RPSA2: variants seen among roughly 807,000 people sequenced by gnomAD.
RPSA2 encodes the protein small ribosomal subunit protein uS2B.
chr19:23,808,362 C>G, the RPSA2 span, among the ~76,000 whole-genome samples: 1 of 148,528 alleles, frequency 6.7e-6, no homozygotes, highest in African/African-American at 2.5e-5. Context: ...TTCCGCCTCC[C>G]AGGTTCAAGC....
the RPSA2 span, among the ~76,000 whole-genome samples, chr19:23,854,077 G>A: frequency 3.3e-5 from 5 of 152,092 alleles, no homozygotes; most frequent in Non-Finnish European, 7.3e-5. Flanking sequence ...TATCTCCTTT[G>A]TTTAAAACAA....
chr19:23,836,635 A>T, the RPSA2 span, among the ~76,000 whole-genome samples: 1 of 152,170 alleles, frequency 6.6e-6, no homozygotes, highest in South Asian at 2.1e-4. Context: ...TCCCACCGGC[A>T]GTGTGGAAGT....
chr19:23,808,747 C>G, the RPSA2 span: 1 of 820,010 alleles, frequency 1.2e-6, no homozygotes, highest in Non-Finnish European at 1.9e-6. Flanking sequence ...CAGACCTGAT[C>G]ACCTATCTGG....
the RPSA2 span, among the ~76,000 whole-genome samples, chr19:23,854,304 G>A: frequency 6.6e-6 from 1 of 152,278 alleles, no homozygotes; most frequent in Non-Finnish European, 1.5e-5. Flanking sequence ...ACAATTACAG[G>A]CAAAGAATTA....
the RPSA2 span, among the ~76,000 whole-genome samples, chr19:23,850,885 T>G: frequency 6.6e-6 from 1 of 152,196 alleles, no homozygotes; most frequent in Non-Finnish European, 1.5e-5. Context: ...TTAGACTGTT[T>G]GGACAATTGA....
chr19:23,850,891 A>T, the RPSA2 span, among the ~76,000 whole-genome samples: 1 of 152,148 alleles, frequency 6.6e-6, no homozygotes, highest in African/African-American at 2.4e-5. Flanking sequence ...TGTTTGGACA[A>T]TTGAGTTTTT....
At chr19:23,789,671 C>T in the RPSA2 span, among the ~76,000 whole-genome samples, 1 of 151,938 alleles carries the variant, frequency 6.6e-6, no homozygotes, top group African/African-American at 2.4e-5. Flanking sequence ...GTGGCACAGA[C>T]AGTGTCATCA....
chr19:23,759,385 G>A, the RPSA2 span, among the ~76,000 whole-genome samples: 3 of 151,832 alleles, frequency 2.0e-5, no homozygotes, highest in Admixed American at 6.6e-5. Flanking sequence ...GAGAGGTGGT[G>A]GGGATTGTAG....
the RPSA2 span, chr19:23,759,013 G>A: frequency 3.6e-6 from 2 of 559,782 alleles, no homozygotes; most frequent in African/African-American, 3.8e-5. Context: ...GGTCCTGAGT[G>A]ACAGAAGATG....
the RPSA2 span, among the ~76,000 whole-genome samples, chr19:23,760,930 G>A: frequency 6.6e-6 from 1 of 151,160 alleles, no homozygotes; most frequent in East Asian, 1.9e-4. Flanking sequence ...CTCCCAAAAT[G>A]CAGGGATTAC....
the RPSA2 span, among the ~76,000 whole-genome samples, chr19:23,808,235 T>C: frequency 6.6e-6 from 1 of 151,424 alleles, no homozygotes. Context: ...TTTGATTCAG[T>C]AGTACCAGGC....
the RPSA2 span, among the ~76,000 whole-genome samples, chr19:23,840,442 G>C: frequency 6.6e-6 from 1 of 152,122 alleles, no homozygotes; most frequent in African/African-American, 2.4e-5. Flanking sequence ...TATTGGGGAT[G>C]GTGCTGGGTC....
At chr19:23,803,000 A>G in the RPSA2 span, among the ~76,000 whole-genome samples, 1 of 152,180 alleles carries the variant, frequency 6.6e-6, no homozygotes, top group Non-Finnish European at 1.5e-5. Flanking sequence ...AGAAAACCTT[A>G]AGAGATTTGT....
At chr19:23,819,232 C>G in the RPSA2 span, 1 of 152,160 alleles carries the variant, frequency 6.6e-6, no homozygotes. Flanking sequence ...TCTGGGGTGA[C>G]TAGAACAGGG....
At chr19:23,826,943 G>A in the RPSA2 span, 30 of 546,466 alleles carry the variant, frequency 5.5e-5, no homozygotes, top group Non-Finnish European at 8.5e-5. Flanking sequence ...GCCTGCCTTG[G>A]CCTCCCAAAG....
the RPSA2 span, chr19:23,818,177 G>A: frequency 1.3e-5 from 2 of 152,100 alleles, no homozygotes; most frequent in Admixed American, 6.6e-5. Context: ...ATTTAGTTAG[G>A]GTCATTAGTT....
chr19:23,859,092 A>G, the RPSA2 span, among the ~76,000 whole-genome samples: 2 of 152,182 alleles, frequency 1.3e-5, no homozygotes, highest in African/African-American at 2.4e-5. Flanking sequence ...ACATGAGATG[A>G]TGTATCTCAG....
the RPSA2 span, among the ~76,000 whole-genome samples, chr19:23,765,171 A>G: frequency 6.6e-6 from 1 of 152,200 alleles, no homozygotes; most frequent in South Asian, 2.1e-4. Context: ...TTCACAAAGG[A>G]ATGCTTCTAC....
the RPSA2 span, among the ~76,000 whole-genome samples, chr19:23,772,149 G>A: frequency 0.98 from 148,976 of 152,310 alleles, 72,952 homozygotes; most frequent in Middle Eastern, 1. Context: ...GACATTTCTT[G>A]CCTGCACCCT....
Sources: gnomAD v4.1 joint callset for allele counts (sites outside exome capture counted in the v4.1 genomes callset) on GRCh38, gnomAD v4.1.1 for gene constraint, MANE v1.5 for transcripts, NCBI Gene and HGNC (gene_info 2026-07-23, HGNC 2026-07-21) for gene names.